The following CSMD3 variants were observed in gnomAD, a reference collection of about 807,000 sequenced individuals.
CSMD3 encodes the protein CUB and sushi domain-containing protein 3.
In CSMD3, 177 loss-of-function variants were observed where a neutral mutation model predicts 435.2. The observed-to-expected ratio is 0.41, with a 90% CI of 0.36 to 0.46. The LOEUF is 0.46. Ranked by LOEUF, CSMD3 falls within the 20% of genes least tolerant of loss-of-function variation. The pLI, the probability that CSMD3 is intolerant of heterozygous loss-of-function variation, is 0.34. For synonymous variants in CSMD3, 1,656 were observed against 1,520.5 expected (o/e 1.09, Z -2.07); for missense variants, 4,265 against 4,504.6 (o/e 0.95, Z 1.52).
At chr8:112,642,787 G>A (rs2074869381) in intron 20 of CSMD3, among the ~76,000 whole-genome samples, 1 of 152,072 alleles carries the variant, frequency 6.6e-6, no homozygotes, top group African/African-American at 2.4e-5. Context: ...TTAAGTCCCA[G>A]TAATCTAAAA....
chr8:112,974,704 G>A (rs776778875), intron 7 of CSMD3, among the ~76,000 whole-genome samples: 8 of 151,738 alleles, frequency 5.3e-5, no homozygotes, highest in Non-Finnish European at 8.9e-5. Flanking sequence ...CCTCATTAAA[G>A]AGAATCAAAG....
intron 16 of CSMD3, among the ~76,000 whole-genome samples, chr8:112,673,954 T>C (rs771569403): frequency 6.6e-6 from 1 of 152,040 alleles, no homozygotes; most frequent in Non-Finnish European, 1.5e-5. Context: ...TTTTTTCTAA[T>C]TACTGCCTTA....
chr8:112,551,554 A>T (rs1827687862), intron 26 of CSMD3, among the ~76,000 whole-genome samples: 1 of 152,126 alleles, frequency 6.6e-6, no homozygotes, highest in African/African-American at 2.4e-5. Context: ...TTTAAGTTGC[A>T]ATTTAACATC....
chr8:112,688,302 T>C (rs968354206), intron 14 of CSMD3, among the ~76,000 whole-genome samples: 2 of 152,140 alleles, frequency 1.3e-5, no homozygotes, highest in Admixed American at 6.6e-5. Context: ...CTTAATTATA[T>C]AAGATGCAGT....
chr8:112,894,628 T>G (rs1386449813), intron 10 of CSMD3, among the ~76,000 whole-genome samples: 1 of 151,344 alleles, frequency 6.6e-6, no homozygotes, highest in African/African-American at 2.4e-5. Context: ...ATATCTGATA[T>G]ATATAATTCA....
intron 27 of CSMD3, among the ~76,000 whole-genome samples, chr8:112,521,804 A>G (rs144307200): frequency 6.6e-6 from 1 of 151,978 alleles, no homozygotes; most frequent in African/African-American, 2.4e-5. Context: ...AAACCTTTTA[A>G]TCTTCTGATT....
rs770511900 is a variant in CSMD3, at chr8:112,255,338, T to A, written c.9952A>T (p.Asn3318Tyr). 1 of 1,613,644 alleles carries A rather than the reference T, an allele frequency of 6.2e-7. No individual in the cohort carries two copies. The highest frequency in any genetic ancestry group is 8.5e-7 in the Non-Finnish European group (1 of 1,179,710). The change falls in exon 62 of 71, where the codon AAT becomes TAT. Residue 3318 changes from asparagine to tyrosine, a missense_variant. This residue lies in a region of CSMD3 where 3,255 missense variants were observed against 3,380.2 expected (regional missense o/e 0.96). Coordinates refer to ENST00000297405, the MANE Select transcript of CSMD3 (RefSeq NM_198123.2). ...IYQSEVSFSCNFPFILVGSST... is the reference protein window; with the variant it reads ...IYQSEVSFSCYFPFILVGSST... ...GATCCCACTAATATGAAAGGAAAATTGCAGCTGAATGAAACCTCTGACTGG... is the reference window on the plus strand; with the variant it reads ...GATCCCACTAATATGAAAGGAAAATAGCAGCTGAATGAAACCTCTGACTGG...
chr8:112,971,986 A>G (rs976585771), intron 7 of CSMD3, among the ~76,000 whole-genome samples: 1 of 152,084 alleles, frequency 6.6e-6, no homozygotes, highest in African/African-American at 2.4e-5. Context: ...CAGATTATTC[A>G]TTAATTTTAC....
At chr8:112,358,271 GC>G (rs1641609496) in intron 38 of CSMD3, among the ~76,000 whole-genome samples, 2 of 152,106 alleles carry the variant, frequency 1.3e-5, no homozygotes. Flanking sequence ...GAAGTAAACT[GC>G]TTTTGATTTT....
rs562763822 is a variant in CSMD3, at chr8:112,845,602, A to AT, written c.1755+13542dup. On this transcript the variant is annotated intron_variant, in intron 11 of 70. Coordinates refer to ENST00000297405, the MANE Select transcript of CSMD3 (RefSeq NM_198123.2). ...GTTTAGGTTGCCCATGGCTTCCTCT[A>AT]TAAAGCTATGCAGAACCATTTAAAT... is the stretch of plus-strand genomic sequence containing the variant. Among the ~76,000 whole-genome samples, 386 of 152,200 alleles carry AT rather than the reference A, an allele frequency of 2.5e-3. 1 individual carries two copies. The highest frequency in any genetic ancestry group is 5.0e-3 in the Admixed American group (77 of 15,254).
At chr8:112,535,600 G>A (rs1825995620) in intron 27 of CSMD3, among the ~76,000 whole-genome samples, 2 of 151,922 alleles carry the variant, frequency 1.3e-5, no homozygotes, top group African/African-American at 2.4e-5. Flanking sequence ...TAGTGCCCAA[G>A]GTAATTTATA....
chr8:112,793,178 A>G (rs1563966022), intron 13 of CSMD3, among the ~76,000 whole-genome samples: 2 of 147,388 alleles, frequency 1.4e-5, no homozygotes, highest in African/African-American at 4.9e-5. Flanking sequence ...TAAATATATT[A>G]ATTTATATAC....
chr8:112,856,196 A>G (rs958654821), intron 11 of CSMD3, among the ~76,000 whole-genome samples: 2 of 151,930 alleles, frequency 1.3e-5, no homozygotes. Context: ...TAAAGGAAAC[A>G]TTCCCTTACA....
intron 12 of CSMD3, among the ~76,000 whole-genome samples, chr8:112,812,686 T>C (rs1178410695): frequency 6.6e-6 from 1 of 152,186 alleles, no homozygotes; most frequent in African/African-American, 2.4e-5. Context: ...CCACAGACAG[T>C]TGTATCAATA....
At chr8:112,935,595 T>C (rs536987605) in intron 9 of CSMD3, among the ~76,000 whole-genome samples, 8 of 151,912 alleles carry the variant, frequency 5.3e-5, no homozygotes, top group Non-Finnish European at 8.8e-5. Context: ...AGTGTAGAAA[T>C]CTCTCACCTT....
chr8:113,153,117 G>GAA (rs1564370893), intron 4 of CSMD3, among the ~76,000 whole-genome samples: 1 of 93,560 alleles, frequency 1.1e-5, no homozygotes, highest in African/African-American at 5.3e-5. Context: ...AAGAAAGAAA[G>GAA]AAAGAAAGAG....
chr8:112,375,688 AT>A (rs982047693), intron 38 of CSMD3, among the ~76,000 whole-genome samples: 14 of 152,152 alleles, frequency 9.2e-5, no homozygotes, highest in African/African-American at 3.4e-4. Context: ...CAAATAAAGG[AT>A]TTTTGCATTC....
At chr8:112,259,824 T>A (rs189638902) in intron 61 of CSMD3, among the ~76,000 whole-genome samples, 6 of 152,202 alleles carry the variant, frequency 3.9e-5, no homozygotes, top group Non-Finnish European at 7.4e-5. Context: ...TTTGAATTAA[T>A]ACATGCTTCC....
intron 1 of CSMD3, among the ~76,000 whole-genome samples, chr8:113,324,525 G>C (rs1221338293): frequency 6.6e-6 from 1 of 152,144 alleles, no homozygotes; most frequent in East Asian, 1.9e-4. Flanking sequence ...GTAAAGAACT[G>C]GGGTTTGGGA....
Sources: allele counts gnomAD v4.1 joint callset (sites outside exome capture counted in the v4.1 genomes callset), GRCh38; gene constraint gnomAD v4.1.1; regional missense constraint gnomAD v4.1.1; transcripts MANE v1.5; gene names NCBI Gene and HGNC (gene_info 2026-07-23, HGNC 2026-07-21).